The following ELN variants were observed in gnomAD, a reference collection of about 807,000 sequenced individuals.
The protein encoded by ELN is tropoelastin.
In ELN, 65 loss-of-function variants were observed where a neutral mutation model predicts 105.8. The observed-to-expected ratio is 0.61, with a 90% CI of 0.50 to 0.75. ELN has a LOEUF of 0.75. Ranked by LOEUF, ELN falls within the 30% of genes least tolerant of loss-of-function variation. ELN has a pLI of 0.00. For synonymous variants in ELN, 368 were observed against 389.2 expected, an observed-to-expected ratio of 0.95 and a Z score of 0.64; for missense variants, 882 against 969.4, an observed-to-expected ratio of 0.91 and a Z score of 1.20.
intron 21 of ELN, 47 bp downstream of exon 21, chr7:74,056,760 G>A: frequency 8.1e-6 from 13 of 1,612,650 alleles, no homozygotes; most frequent in South Asian, 1.1e-5. Flanking sequence ...TCTCCCGCGG[G>A]GCTCAGGGTC....
In ELN at chr7:74,060,248, G is replaced by A. The variant is rs1258346403; in HGVS notation, c.1621+64G>A. 2.5e-6 allele frequency: 4 copies of A among 1,613,926 alleles called. No individual in the cohort carries two copies. The Admixed American group carries it at 6.7e-5, about 27-fold the overall frequency. ...ATCTCAGAGCTGGTTAGGGGCAACA[G>A]CCAGGGAGGAGGCCGCTGCTTGGAT... On this transcript the variant is annotated intron_variant, in intron 24 of 32. Coordinates refer to ENST00000252034, the MANE Select transcript of ELN (RefSeq NM_000501.4).
intron 29 of ELN, 42 bp from the exon 30 acceptor site, chr7:74,065,652 G>A: frequency 6.2e-7 from 1 of 1,606,862 alleles, no homozygotes; most frequent in Non-Finnish European, 8.5e-7. Context: ...CCTGACAGGT[G>A]GCATTGGCAT....
Position 74,063,845 on chromosome 7 carries a change from G to C in ELN, c.1993+150G>C. On this transcript the variant is annotated intron_variant, in intron 29 of 32. Coordinates refer to ENST00000252034, the MANE Select transcript of ELN (RefSeq NM_000501.4). This position sits in a 1 kb window ranked among gnomAD's most constrained non-coding sequence, Gnocchi z 4.1. ...TGGCCAGGTGCGGTGGCTCACGCCT[G>C]CAATCCCAGCACTCTAGTAGGCCAA... 9.4e-7 allele frequency: 1 copy of C among 1,068,806 alleles called. No homozygotes were observed. The highest frequency in any genetic ancestry group is 1.4e-6 in the Non-Finnish European group (1 of 709,874). 66.2% of individuals were successfully genotyped at this position (1,068,806 alleles called of 1,614,324 possible).
intron 22 of ELN, among the ~76,000 whole-genome samples, chr7:74,057,912 G>A (rs1795678568): frequency 6.6e-6 from 1 of 152,170 alleles, no homozygotes; most frequent in Non-Finnish European, 1.5e-5. Flanking sequence ...AGCAGTGTGA[G>A]CCTCCCTGTT....
In ELN at chr7:74,046,722, C is replaced by G; in HGVS notation, c.598C>G (p.Pro200Ala). The change falls in exon 12 of 33, where the codon CCT becomes GCT. Residue 200 changes from proline to alanine, a missense_variant. Physicochemically the swap from Pro to Ala is conservative, Grantham distance 27. Coordinates refer to ENST00000252034, the MANE Select transcript of ELN (RefSeq NM_000501.4). ...PGVGPFGGPQPGVPLGYPIKA... is the reference protein window; with the variant it reads ...PGVGPFGGPQAGVPLGYPIKA... Reference sequence around the variant, plus strand: ...AGTTGGACCCTTTGGGGGACCGCAACCTGGAGTCCCACTGGGGTATCCCAT... The same window carrying G: ...AGTTGGACCCTTTGGGGGACCGCAAGCTGGAGTCCCACTGGGGTATCCCAT... 6.2e-7 allele frequency: 1 copy of G among 1,614,228 alleles called. No individual in the cohort carries two copies. Among genetic ancestry groups the G allele is most frequent in the South Asian group, 1.1e-5 (1 of 91,088 alleles).
At chr7:74,058,356 CCTT>C (rs782771566) in intron 22 of ELN, among the ~76,000 whole-genome samples, 1 of 150,118 alleles carries the variant, frequency 6.7e-6, no homozygotes, top group Admixed American at 6.7e-5. Flanking sequence ...TCTTTCTTCT[CCTT>C]CTCCTTTTTT....
At position 74,069,672 on chromosome 7, in the gene ELN, TC is replaced by T. The variant is rs1183990939; in HGVS notation, c.*974del. On this transcript the variant is annotated 3_prime_UTR_variant, in exon 33 of 33. Coordinates refer to ENST00000252034, the MANE Select transcript of ELN (RefSeq NM_000501.4). ...AGATCAATAAATATTTTATTTTTTG[TC>T]CTGGATATTTGGGGATTATTTTTGA... 8.6e-6 allele frequency: 2 copies of T among 232,990 alleles called. No individual in the cohort carries two copies. Among genetic ancestry groups the T allele is most frequent in the African/African-American group, 4.4e-5 (2 of 45,314 alleles). The allele number at this position is 232,990 out of a possible 1,614,324, so 14.4% of individuals were successfully genotyped here.
chr7:74,047,906 C>A (rs1283163775), intron 13 of ELN, among the ~76,000 whole-genome samples, 190 bp downstream of exon 13: 3 of 152,194 alleles, frequency 2.0e-5, no homozygotes, highest in African/African-American at 7.2e-5. Flanking sequence ...CCCTGCCCTC[C>A]CACCTATCAA....
intron 12 of ELN, among the ~76,000 whole-genome samples, chr7:74,047,323 C>T (rs1554673068): frequency 6.6e-6 from 1 of 152,204 alleles, no homozygotes; most frequent in African/African-American, 2.4e-5. Context: ...GAACACGGTT[C>T]ATTGGAAAGA....
chr7:74,032,688 G>C (rs1788975255), intron 1 of ELN, among the ~76,000 whole-genome samples: 1 of 152,146 alleles, frequency 6.6e-6, no homozygotes, highest in African/African-American at 2.4e-5. Context: ...GAGGAGATCT[G>C]GGGGAGGGGA....
rs1412555093 is a variant in ELN, at chr7:74,051,732, C to G, written c.800-18C>G. 2 of 1,614,082 alleles carry G rather than the reference C, an allele frequency of 1.2e-6. No homozygotes were observed. Among genetic ancestry groups the G allele is most frequent in the African/African-American group, 2.7e-5 (2 of 75,062 alleles). ...AGGGTCCTTGGGAAACTACATTGCA[C>G]TGTCCCCATCTCAACAGGTGCTGGA... On this transcript the variant is annotated intron_variant, in intron 15 of 32. Coordinates refer to ENST00000252034, the MANE Select transcript of ELN (RefSeq NM_000501.4).
At chr7:74,059,680 T>C in intron 22 of ELN, 1 of 642,108 alleles carries the variant, frequency 1.6e-6, no homozygotes, top group Middle Eastern at 4.1e-4. Flanking sequence ...TGAGACTCTG[T>C]CTCCAAAAAA....
Position 74,063,664 on chromosome 7 carries a change from G to T in ELN, c.1962G>T (p.Gly654=). 6.2e-7 allele frequency: 1 copy of T among 1,613,772 alleles called. No individual in the cohort carries two copies. Among genetic ancestry groups the T allele is most frequent in the Non-Finnish European group, 8.5e-7 (1 of 1,179,744 alleles). ...AAGLGGLGVG[G]LGVPGVGGLG... is the part of the protein sequence containing the mutation. ...GGCTCGGAGGACTCGGAGTCGGAGG[G>T]CTTGGAGTTCCAGGTGTTGGGGGCC... The change falls in exon 29 of 33, where the codon GGG becomes GGT. Residue 654 remains glycine (G), a synonymous_variant. Transcript: ENST00000252034. This position sits in a 1 kb window ranked among gnomAD's most constrained non-coding sequence, Gnocchi z 4.1.
At chr7:74,068,412 C>G (rs1200344417) in intron 32 of ELN, among the ~76,000 whole-genome samples, 2 of 152,232 alleles carry the variant, frequency 1.3e-5, no homozygotes, top group Non-Finnish European at 2.9e-5. Flanking sequence ...CCCAGCCAGG[C>G]CCCATGACCT....
chr7:74,029,976 G>C (rs1249553870), intron 1 of ELN, among the ~76,000 whole-genome samples: 1 of 152,176 alleles, frequency 6.6e-6, no homozygotes, highest in African/African-American at 2.4e-5. Context: ...TTTGGGGAGG[G>C]GAAGGCTTGG....
chr7:74,048,085 G>A, intron 13 of ELN, 57 bp from the exon 14 acceptor site: 1 of 1,605,246 alleles, frequency 6.2e-7, no homozygotes, highest in Non-Finnish European at 8.5e-7. Context: ...AGGGGGAGGG[G>A]GAGGGCAGCA....
chr7:74,051,395 A>T (rs1793996171), intron 15 of ELN, among the ~76,000 whole-genome samples: 1 of 152,146 alleles, frequency 6.6e-6, no homozygotes, highest in Admixed American at 6.5e-5. Context: ...TTGGATTACA[A>T]ACTTGGCTGC....
chr7:74,037,844 A>C, intron 4 of ELN, 105 bp downstream of exon 4: 1 of 1,514,224 alleles, frequency 6.6e-7, no homozygotes, highest in Non-Finnish European at 9.0e-7. Context: ...AGGACAAGGA[A>C]GCCAACGGGC....
rs1444086349 is a variant in ELN at position 74,061,609 on chromosome 7, G to A, written c.1786+470G>A. Among the ~76,000 whole-genome samples the A allele has an allele frequency of 4.6e-5, 7 of 152,112 alleles. 1 individual carries two copies. Among genetic ancestry groups the A allele is most frequent in the South Asian group, 4.1e-4 (2 of 4,832 alleles). ...GGAGGTTGCAGTGAGCCGAGATCAC[G>A]CCACTGCACTCCGGCCTGGACGACA... On this transcript the variant is annotated intron_variant, in intron 26 of 32. Coordinates refer to ENST00000252034, the MANE Select transcript of ELN (RefSeq NM_000501.4).
Sources: gnomAD v4.1 joint callset for allele counts (sites outside exome capture counted in the v4.1 genomes callset) on GRCh38, gnomAD v4.1.1 for gene constraint, Gnocchi (gnomAD v3.1) non-coding constraint, MANE v1.5 for transcripts, NCBI Gene and HGNC (gene_info 2026-07-23, HGNC 2026-07-21) for gene names.